Variants in SLC10A1 observed in about 807,000 individuals in gnomAD.
SLC10A1 encodes the protein hepatic sodium/bile acid cotransporter.
A neutral mutation model predicts 20.5 loss-of-function variants in SLC10A1; 36 were observed. The ratio of observed to expected loss-of-function variants is 1.75; its 90% CI spans 1.34 to 2.32. SLC10A1 has a LOEUF of 2.32. Ranked by LOEUF, SLC10A1 falls within the 30% of genes most tolerant of loss-of-function variation. The probability of loss-of-function intolerance (pLI) is 0.00; values close to 1 mark genes in which losing one functional copy is unlikely to be tolerated. For missense variants in SLC10A1, 545 were observed against 439.1 expected (o/e 1.24, Z -2.16); for synonymous variants, 188 against 163.6 (o/e 1.15, Z -1.14).
At chr14:69,785,588 TTTC>T (rs1209861492) in intron 2 of SLC10A1, among the ~76,000 whole-genome samples, 2 of 150,424 alleles carry the variant, frequency 1.3e-5, no homozygotes, top group Admixed American at 1.3e-4. Flanking sequence ...TTTTCTTTCT[TTTC>T]TTTTTTTTTT....
intron 2 of SLC10A1, among the ~76,000 whole-genome samples, chr14:69,780,632 TTC>T (rs1429891048): frequency 1.3e-5 from 2 of 152,222 alleles, no homozygotes; most frequent in African/African-American, 2.4e-5. Flanking sequence ...AGCTTTGTGT[TTC>T]TGTTTTTAAT....
chr14:69,779,912 CATG>C (rs1440458508), intron 2 of SLC10A1, among the ~76,000 whole-genome samples: 2 of 152,156 alleles, frequency 1.3e-5, no homozygotes, highest in African/African-American at 4.8e-5. Flanking sequence ...CTTTGAAACT[CATG>C]AGAACTTGTC....
chr14:69,794,138 ATGTAGAGTAT>A (rs979190962), intron 1 of SLC10A1, among the ~76,000 whole-genome samples: 15 of 152,130 alleles, frequency 9.9e-5, no homozygotes, highest in Non-Finnish European at 2.1e-4. Context: ...TCTAAATGGG[ATGTAGAGTAT>A]TGTGCTTATC....
intron 1 of SLC10A1, among the ~76,000 whole-genome samples, chr14:69,795,910 G>C (rs1486633488): frequency 2.6e-5 from 4 of 152,192 alleles, no homozygotes; most frequent in African/African-American, 9.7e-5. Flanking sequence ...AACCAGGGGG[G>C]ACTGGCTTGA....
In SLC10A1 at chr14:69,775,988, C is replaced by A; in HGVS notation, c.*294G>T. The A allele has an allele frequency of 2.8e-6, 1 of 356,446 alleles. No homozygotes were observed. The highest frequency in any genetic ancestry group is 5.1e-6 in the Non-Finnish European group (1 of 195,786). 22.1% of individuals were successfully genotyped at this position (356,446 alleles called of 1,614,324 possible). On this transcript the variant is annotated 3_prime_UTR_variant, in exon 5 of 5. Transcript: ENST00000216540. ...AATTGAGTGACTTTAAGATGCTTAT[C>A]AGACACTTTTAGAGATCCCAGCAAG...
At chr14:69,779,146 G>C in intron 3 of SLC10A1, 36 bp downstream of exon 3, 1 of 1,507,498 alleles carries the variant, frequency 6.6e-7, no homozygotes. Flanking sequence ...GGGCAACAGA[G>C]TGAGACCCTT....
chr14:69,786,250 C>T lies in SLC10A1; in HGVS notation c.414G>A (p.Leu138=). 1 of 1,613,986 alleles carries T rather than the reference C, an allele frequency of 6.2e-7. No homozygotes were observed. Among genetic ancestry groups the T allele is most frequent in the Non-Finnish European group, 8.5e-7 (1 of 1,179,990 alleles). ...CATAGATCCCCCTGGAGTAGATGTA[C>T]AGGAGGAGAGGCATCATGCCAAGGG... is the stretch of plus-strand genomic sequence containing the variant. The part of the protein sequence containing the change: ...FCALGMMPLL[L]YIYSRGIYDG... Residue 138 remains leucine (L), a synonymous_variant, in exon 2 of 5, where the codon CTG becomes CTA. Transcript: ENST00000216540.
Position 69,786,089 on chromosome 14 carries a change from G to A in SLC10A1, c.567+8C>T, listed in dbSNP as rs80264035. On this transcript the variant is annotated splice_region_variant and intron_variant, in intron 2 of 4. Transcript: ENST00000216540. ...TGCCCTAATTTGTCAAGCCTCCCAG[G>A]TTCTTACCTTGATGACATAGCGCAT... The A allele has an allele frequency of 7.4e-6, 12 of 1,612,610 alleles. No individual in the cohort carries two copies. Among genetic ancestry groups the A allele is most frequent in the Non-Finnish European group, 1.0e-5 (12 of 1,178,692 alleles).
At chr14:69,783,637 A>C (rs1272697314) in intron 2 of SLC10A1, among the ~76,000 whole-genome samples, 8 of 152,232 alleles carry the variant, frequency 5.3e-5, no homozygotes, top group African/African-American at 1.9e-4. Flanking sequence ...AGTTTAAACT[A>C]TCCTAGGGGG....
chr14:69,782,767 C>T (rs538624472), intron 2 of SLC10A1, among the ~76,000 whole-genome samples: 1 of 150,574 alleles, frequency 6.6e-6, no homozygotes, highest in Non-Finnish European at 1.5e-5. Context: ...GAGCTCGCGC[C>T]ACTGCACTCC....
Position 69,781,260 on chromosome 14 carries a change from C to T in SLC10A1, c.568-1900G>A, listed in dbSNP as rs528453909. On this transcript the variant is annotated intron_variant, in intron 2 of 4. Coordinates refer to ENST00000216540, the MANE Select transcript of SLC10A1 (RefSeq NM_003049.4). ...TCTGGAAATTTATCCTGTCTACAAC[C>T]CCTGTCTCCTGCTGAGACAAGTGGC... Among the ~76,000 whole-genome samples, 4 of 152,330 alleles carry T rather than the reference C, an allele frequency of 2.6e-5. No homozygotes were observed. In the South Asian group the frequency reaches 8.3e-4, roughly 32 times the overall value.
chr14:69,780,413 T>C (rs1404037304), intron 2 of SLC10A1, among the ~76,000 whole-genome samples: 1 of 152,260 alleles, frequency 6.6e-6, no homozygotes, highest in Non-Finnish European at 1.5e-5. Flanking sequence ...ACCATGTTAT[T>C]TTGTAATAGT....
chr14:69,781,987 C>A (rs569442643), intron 2 of SLC10A1, among the ~76,000 whole-genome samples: 1 of 152,320 alleles, frequency 6.6e-6, no homozygotes, highest in South Asian at 2.1e-4. Flanking sequence ...CTAGGACAAT[C>A]ATTTGTTCGT....
At chr14:69,780,797 C>T (rs1883574261) in intron 2 of SLC10A1, among the ~76,000 whole-genome samples, 1 of 152,192 alleles carries the variant, frequency 6.6e-6, no homozygotes, top group Admixed American at 6.5e-5. Context: ...CTCAGTTTAC[C>T]TTTGCATTTT....
Position 69,796,932 on chromosome 14 carries a change from G to A in SLC10A1, c.224C>T (p.Thr75Met), listed in dbSNP as rs150649857. 170 of 1,614,096 alleles carry A rather than the reference G, an allele frequency of 1.1e-4. No individual in the cohort carries two copies. Among genetic ancestry groups the A allele is most frequent in the South Asian group, 2.6e-4 (24 of 91,090 alleles). ...LVAQYGIMPL[T>M]AFVLGKVFRL... ...GAAGACCTTGCCCAGCACAAAGGCC[G>A]TGAGGGGCATGATGCCATACTGTGC... The change falls in exon 1 of 5, where the codon ACG becomes ATG. Residue 75 changes from threonine (T) to methionine (M), a missense_variant. Coordinates refer to ENST00000216540, the MANE Select transcript of SLC10A1 (RefSeq NM_003049.4).
In SLC10A1 at chr14:69,775,597, G is replaced by A. The variant is rs1296648769; in HGVS notation, c.*685C>T. ...TGAACTTAAAAAAGAGATTATTAGT[G>A]AGGTAACATTGTGTTAATGTATGTG... On this transcript the variant is annotated 3_prime_UTR_variant, in exon 5 of 5. Coordinates refer to ENST00000216540, the MANE Select transcript of SLC10A1 (RefSeq NM_003049.4). The A allele has an allele frequency of 6.6e-6, 1 of 152,162 alleles. No individual in the cohort carries two copies. Among genetic ancestry groups the A allele is most frequent in the Non-Finnish European group, 1.5e-5 (1 of 68,032 alleles). The allele number at this position is 152,162 out of a possible 1,614,324, so 9.4% of individuals were successfully genotyped here. A position where few individuals can be genotyped will look rare whatever the true frequency, so the allele number is the denominator to read the frequency against.
rs138657783 is a variant in SLC10A1 at position 69,779,528 on chromosome 14, T to A, written c.568-168A>T. Reference sequence around the variant, plus strand: ...TCTTTTTGGATTCCTTTCTTTAAATTTTTTTAAAATTATTAACATTAGAGA... The same window carrying A: ...TCTTTTTGGATTCCTTTCTTTAAATATTTTTAAAATTATTAACATTAGAGA... On this transcript the variant is annotated intron_variant, in intron 2 of 4. Transcript: ENST00000216540. 2.4e-3 allele frequency among the ~76,000 whole-genome samples: 370 copies of A among 152,286 alleles called. 3 individuals are homozygous for A. The highest frequency in any genetic ancestry group is 8.2e-3 in the African/African-American group (340 of 41,542).
At chr14:69,787,205 G>A (rs1318252715) in intron 1 of SLC10A1, among the ~76,000 whole-genome samples, 1 of 152,252 alleles carries the variant, frequency 6.6e-6, no homozygotes, top group Non-Finnish European at 1.5e-5. Flanking sequence ...GACACTCAGA[G>A]CCTGAATAAT....
intron 2 of SLC10A1, among the ~76,000 whole-genome samples, chr14:69,782,116 G>A (rs1213793184): frequency 6.6e-6 from 1 of 152,212 alleles, no homozygotes; most frequent in Non-Finnish European, 1.5e-5. Context: ...CCACATGTTA[G>A]TCTCTGCATC....
Sources: allele counts gnomAD v4.1 joint callset (sites outside exome capture counted in the v4.1 genomes callset), GRCh38; gene constraint gnomAD v4.1.1; transcripts MANE v1.5; gene names NCBI Gene and HGNC (gene_info 2026-07-23, HGNC 2026-07-21).